SGCZ: variants seen among roughly 807,000 people sequenced by gnomAD.
SGCZ encodes the protein zeta-sarcoglycan.
In SGCZ, 40 loss-of-function variants were observed where a neutral mutation model predicts 41.3. The ratio of observed to expected loss-of-function variants is 0.97; its 90% CI spans 0.75 to 1.26. The LOEUF (loss-of-function observed/expected upper bound fraction) is 1.26, where lower values mean the gene tolerates loss of function less well. Among genes scored for constraint, SGCZ ranks in the 50% most tolerant of loss-of-function variants. The pLI is 0.00. For missense variants in SGCZ, 552 were observed against 369.8 expected (o/e 1.49, Z -4.04); for synonymous variants, 206 against 137.5 (o/e 1.50, Z -3.49).
intron 2 of SGCZ, among the ~76,000 whole-genome samples, chr8:14,396,602 A>T (rs915973246): frequency 3.3e-5 from 5 of 152,108 alleles, no homozygotes; most frequent in African/African-American, 1.2e-4. Flanking sequence ...AAGATAGACA[A>T]GGCCACCCAT....
At chr8:15,020,091 C>T (rs1228614210) in intron 1 of SGCZ, among the ~76,000 whole-genome samples, 1 of 151,850 alleles carries the variant, frequency 6.6e-6, no homozygotes, top group African/African-American at 2.4e-5. Flanking sequence ...GTACTTTTAA[C>T]ATAGAAGAGA....
intron 1 of SGCZ, among the ~76,000 whole-genome samples, chr8:14,942,540 C>G (rs1030660871): frequency 6.6e-6 from 1 of 152,036 alleles, no homozygotes; most frequent in Non-Finnish European, 1.5e-5. Flanking sequence ...ACATTTAAGG[C>G]CAGTTAAAGC....
intron 1 of SGCZ, among the ~76,000 whole-genome samples, chr8:14,771,699 G>C (rs1191485041): frequency 1.3e-5 from 2 of 151,934 alleles, no homozygotes; most frequent in Admixed American, 6.6e-5. Flanking sequence ...GGGAAGCAGT[G>C]GAATGTTCTC....
chr8:14,488,366 T>C (rs1027457079), intron 2 of SGCZ, among the ~76,000 whole-genome samples: 1 of 102,886 alleles, frequency 9.7e-6, no homozygotes, highest in African/African-American at 3.7e-5. Flanking sequence ...CATCCATTGC[T>C]TATGAGCAAG....
chr8:14,980,128 C>G (rs17574030), intron 1 of SGCZ, among the ~76,000 whole-genome samples: 6,155 of 152,248 alleles, frequency 0.04, 205 homozygotes, highest in Non-Finnish European at 0.067. Flanking sequence ...GGTGGCAAGA[C>G]ATGGCCATGC....
intron 1 of SGCZ, among the ~76,000 whole-genome samples, chr8:14,712,842 G>T (rs903053768): frequency 1.3e-5 from 2 of 151,828 alleles, no homozygotes; most frequent in African/African-American, 4.8e-5. Flanking sequence ...TGAGTCACTG[G>T]GTTTTCTATT....
At chr8:14,842,034 T>G (rs1802934596) in intron 1 of SGCZ, among the ~76,000 whole-genome samples, 1 of 152,150 alleles carries the variant, frequency 6.6e-6, no homozygotes, top group South Asian at 2.1e-4. Context: ...AAATAGGTGG[T>G]GAACATCAGC....
intron 5 of SGCZ, among the ~76,000 whole-genome samples, chr8:14,109,188 A>T (rs942120445): frequency 1.3e-5 from 2 of 152,204 alleles, no homozygotes; most frequent in African/African-American, 4.8e-5. Flanking sequence ...AGTTGGTTTC[A>T]TATGGAATTG....
intron 1 of SGCZ, among the ~76,000 whole-genome samples, chr8:14,647,199 T>A (rs1351248428): frequency 6.6e-6 from 1 of 152,014 alleles, no homozygotes; most frequent in Non-Finnish European, 1.5e-5. Context: ...ATAAACTATA[T>A]AGCTCTCTGG....
intron 1 of SGCZ, among the ~76,000 whole-genome samples, chr8:14,864,679 A>G (rs1436747803): frequency 6.6e-6 from 1 of 152,158 alleles, no homozygotes; most frequent in East Asian, 1.9e-4. Context: ...TAAGATGAAG[A>G]CTTCTTAAAC....
chr8:14,409,245 C>T (rs981588585), intron 2 of SGCZ, among the ~76,000 whole-genome samples: 1 of 151,970 alleles, frequency 6.6e-6, no homozygotes, highest in African/African-American at 2.4e-5. Flanking sequence ...TATTACAAGG[C>T]CTTTAGACAG....
At chr8:14,155,035 C>T (rs1003288791) in intron 5 of SGCZ, among the ~76,000 whole-genome samples, 1 of 152,158 alleles carries the variant, frequency 6.6e-6, no homozygotes, top group Non-Finnish European at 1.5e-5. Flanking sequence ...GATTTACAGC[C>T]ACTCTGTTTT....
chr8:14,290,843 A>G (rs1276817087), intron 3 of SGCZ, among the ~76,000 whole-genome samples: 1 of 152,126 alleles, frequency 6.6e-6, no homozygotes, highest in African/African-American at 2.4e-5. Context: ...TACTGCATAT[A>G]TTTTCAAAGG....
chr8:15,052,271 T>A (rs1382850052), intron 1 of SGCZ, among the ~76,000 whole-genome samples: 1 of 152,196 alleles, frequency 6.6e-6, no homozygotes, highest in Non-Finnish European at 1.5e-5. Flanking sequence ...GAGGGCTTCA[T>A]GGAGAGTGAG....
At chr8:14,544,787 T>C (rs1308980508) in intron 2 of SGCZ, among the ~76,000 whole-genome samples, 1 of 152,190 alleles carries the variant, frequency 6.6e-6, no homozygotes, top group Non-Finnish European at 1.5e-5. Flanking sequence ...CATAGACCCT[T>C]ATCTGTGGTT....
intron 1 of SGCZ, among the ~76,000 whole-genome samples, chr8:14,785,380 T>C (rs1218338861): frequency 6.6e-6 from 1 of 152,148 alleles, no homozygotes; most frequent in African/African-American, 2.4e-5. Flanking sequence ...AACCCAAGTT[T>C]GCAAGGAAAC....
chr8:15,128,336 A>G (rs1807780227), intron 1 of SGCZ, among the ~76,000 whole-genome samples: 1 of 152,188 alleles, frequency 6.6e-6, no homozygotes, highest in African/African-American at 2.4e-5. Flanking sequence ...TTTGGGGCCC[A>G]TTTATTCTCA....
At chr8:14,800,531 G>A (rs1801288258) in intron 1 of SGCZ, among the ~76,000 whole-genome samples, 1 of 152,126 alleles carries the variant, frequency 6.6e-6, no homozygotes, top group Non-Finnish European at 1.5e-5. Context: ...TGGAGGAGGG[G>A]CCTGGTGGAA....
At position 14,668,338 on chromosome 8, in the gene SGCZ, A is replaced by C. The variant is rs919140457; in HGVS notation, c.40-113412T>G. Among the ~76,000 whole-genome samples the C allele has an allele frequency of 2.6e-5, 4 of 151,478 alleles. No individual in the cohort carries two copies. In the East Asian group the frequency reaches 7.7e-4, roughly 29 times the overall value. On this transcript the variant is annotated intron_variant, in intron 1 of 7. Coordinates refer to ENST00000382080, the MANE Select transcript of SGCZ (RefSeq NM_139167.4). ...GTGATTATATCCCACACTTGAATATATGGTTTTTTCAGTCAAATCCTACAC... is the reference window on the plus strand; with the variant it reads ...GTGATTATATCCCACACTTGAATATCTGGTTTTTTCAGTCAAATCCTACAC...
Sources: gnomAD v4.1 joint callset for allele counts (sites outside exome capture counted in the v4.1 genomes callset) on GRCh38, gnomAD v4.1.1 for gene constraint, MANE v1.5 for transcripts, NCBI Gene and HGNC (gene_info 2026-07-23, HGNC 2026-07-21) for gene names.